VAV3: variants seen among roughly 807,000 people sequenced by gnomAD.
VAV3 encodes vav guanine nucleotide exchange factor 3.
Under a neutral mutation model 131.2 loss-of-function variants are expected in VAV3, and 94 were observed. The observed-to-expected ratio is 0.72, with a 90% CI of 0.61 to 0.85. The LOEUF is 0.85. Among genes scored for constraint, VAV3 ranks in the 40% least tolerant of loss-of-function variants. VAV3 has a pLI of 0.00. For synonymous variants in VAV3, 349 were observed against 342.0 expected (o/e 1.02, Z -0.22); for missense variants, 939 against 1,002.7 (o/e 0.94, Z 0.86).
At chr1:107,928,125 G>GACC (rs1673250504) in intron 1 of VAV3, among the ~76,000 whole-genome samples, 1 of 152,178 alleles carries the variant, frequency 6.6e-6, no homozygotes, top group African/African-American at 2.4e-5. Context: ...TCAGCCTGGT[G>GACC]GTCCAGAGAA....
At position 107,932,205 on chromosome 1, in the gene VAV3, C is replaced by A. The variant is rs376560158; in HGVS notation, c.204+32461G>T. 2.7e-4 allele frequency among the ~76,000 whole-genome samples: 41 copies of A among 152,284 alleles called. No individual in the cohort carries two copies. In the South Asian group the frequency reaches 5.0e-3, roughly 18 times the overall value. ...ATCACAACAGCTAACAAAAGGTACCCAAATCACAGCACGAGAGATGCCACA... is the reference window on the plus strand; with the variant it reads ...ATCACAACAGCTAACAAAAGGTACCAAAATCACAGCACGAGAGATGCCACA... On this transcript the variant is annotated intron_variant, in intron 1 of 26. Coordinates refer to ENST00000370056, the MANE Select transcript of VAV3 (RefSeq NM_006113.5).
In VAV3 at chr1:107,786,319, TA is replaced by T. The variant is rs201951607; in HGVS notation, c.322-6828del. On this transcript the variant is annotated intron_variant, in intron 2 of 26. Transcript: ENST00000370056. ...AACTACAGAGAACAAGAACTTCCTT[TA>T]AAAAAAAAGCCATATACTGGGCTGA... Among the ~76,000 whole-genome samples, 7 of 151,142 alleles carry T rather than the reference TA, an allele frequency of 4.6e-5. No individual in the cohort carries two copies. The East Asian group carries it at 5.8e-4, about 13-fold the overall frequency.
chr1:107,592,486 TA>T (rs2101055487), intron 25 of VAV3, among the ~76,000 whole-genome samples: 1 of 152,188 alleles, frequency 6.6e-6, no homozygotes, highest in Non-Finnish European at 1.5e-5. Context: ...GATAGCCATT[TA>T]AAAAAATTAC....
chr1:107,612,985 G>A (rs1400444540), intron 21 of VAV3, among the ~76,000 whole-genome samples: 1 of 152,064 alleles, frequency 6.6e-6, no homozygotes, highest in Non-Finnish European at 1.5e-5. Context: ...ATCTTCTCCT[G>A]GGCAGTGCCT....
chr1:107,615,820 A>C (rs1653111056), intron 21 of VAV3, among the ~76,000 whole-genome samples: 1 of 152,224 alleles, frequency 6.6e-6, no homozygotes, highest in African/African-American at 2.4e-5. Context: ...GAAGACATAC[A>C]TATAATTGGC....
At chr1:107,866,036 G>C (rs1669969864) in intron 2 of VAV3, among the ~76,000 whole-genome samples, 1 of 152,122 alleles carries the variant, frequency 6.6e-6, no homozygotes, top group Non-Finnish European at 1.5e-5. Context: ...ACTTCCCAAG[G>C]ATAAGGAGGG....
intron 25 of VAV3, 121 bp downstream of exon 25, chr1:107,596,091 C>T (rs1421925897): frequency 3.0e-6 from 4 of 1,329,274 alleles, no homozygotes; most frequent in Middle Eastern, 2.0e-4. Flanking sequence ...AAAAGAAGTC[C>T]TTGCTCATGC....
intron 24 of VAV3, among the ~76,000 whole-genome samples, chr1:107,602,008 T>G (rs1390581105): frequency 6.6e-6 from 1 of 152,092 alleles, no homozygotes; most frequent in Non-Finnish European, 1.5e-5. Context: ...TTATAAAAAA[T>G]GAACCTAAAT....
At chr1:107,605,920 T>A (rs1310222103) in intron 22 of VAV3, among the ~76,000 whole-genome samples, 1 of 152,218 alleles carries the variant, frequency 6.6e-6, no homozygotes, top group Non-Finnish European at 1.5e-5. Flanking sequence ...TTAATTGAAT[T>A]AAGACAACCA....
At chr1:107,801,008 G>A (rs1288582559) in intron 2 of VAV3, among the ~76,000 whole-genome samples, 3 of 152,100 alleles carry the variant, frequency 2.0e-5, no homozygotes, top group Non-Finnish European at 4.4e-5. Context: ...ATGAGAGATA[G>A]GGGTTTCGTT....
chr1:107,789,598 T>C (rs1056834829), intron 2 of VAV3, among the ~76,000 whole-genome samples: 1 of 152,184 alleles, frequency 6.6e-6, no homozygotes, highest in Non-Finnish European at 1.5e-5. Flanking sequence ...TTCATTTTCA[T>C]ATGTGCCTGA....
At chr1:107,577,873 T>G (rs1649764680) in intron 25 of VAV3, among the ~76,000 whole-genome samples, 1 of 152,214 alleles carries the variant, frequency 6.6e-6, no homozygotes, top group African/African-American at 2.4e-5. Flanking sequence ...CTGTTACTTG[T>G]ACCATGGCCT....
rs377617538 is a variant in VAV3, at chr1:107,573,273, G to C, written c.*58C>G. ...TCAGTTAATTCACGATGCTGTGCAG[G>C]CTTCTATTTATCCCTTCTCTGAAAT... On this transcript the variant is annotated 3_prime_UTR_variant, in exon 27 of 27. Coordinates refer to ENST00000370056, the MANE Select transcript of VAV3 (RefSeq NM_006113.5). 3.7e-4 allele frequency: 584 copies of C among 1,588,466 alleles called. No individual in the cohort carries two copies. The highest frequency in any genetic ancestry group is 4.7e-4 in the Non-Finnish European group (546 of 1,162,010).
At chr1:107,955,537 A>C (rs1674767122) in intron 1 of VAV3, among the ~76,000 whole-genome samples, 1 of 152,152 alleles carries the variant, frequency 6.6e-6, no homozygotes, top group South Asian at 2.1e-4. Context: ...AAACAGCAAG[A>C]AATGCTGCAT....
intron 15 of VAV3, among the ~76,000 whole-genome samples, chr1:107,747,565 A>T (rs940972899): frequency 3.9e-5 from 6 of 152,218 alleles, no homozygotes; most frequent in Non-Finnish European, 7.3e-5. Context: ...ATTATTATTA[A>T]TAATAATAGC....
intron 2 of VAV3, among the ~76,000 whole-genome samples, chr1:107,797,594 T>G: frequency 6.6e-6 from 1 of 152,098 alleles, no homozygotes; most frequent in East Asian, 1.9e-4. Flanking sequence ...AGAATAAAAT[T>G]TTAAAGAATA....
intron 1 of VAV3, among the ~76,000 whole-genome samples, chr1:107,885,701 T>G (rs1156631583): frequency 2.0e-5 from 3 of 152,150 alleles, no homozygotes; most frequent in Non-Finnish European, 2.9e-5. Flanking sequence ...AATTCCCATT[T>G]ACAGACAAAG....
chr1:107,728,600 C>CGTATATGTATATGTATAT (rs55725323), intron 15 of VAV3, among the ~76,000 whole-genome samples: 12,788 of 136,758 alleles, frequency 0.094, 786 homozygotes, highest in South Asian at 0.11. Flanking sequence ...TATACGTATA[C>CGTATATGTATATGTATAT]GTATATGTAT....
intron 19 of VAV3, among the ~76,000 whole-genome samples, chr1:107,666,319 A>G (rs1277127251): frequency 6.6e-6 from 1 of 152,240 alleles, no homozygotes; most frequent in East Asian, 1.9e-4. Context: ...GGAAAAAAAT[A>G]TAAGAGTTAA....
Sources: allele counts gnomAD v4.1 joint callset (sites outside exome capture counted in the v4.1 genomes callset), GRCh38; gene constraint gnomAD v4.1.1; transcripts MANE v1.5; gene names NCBI Gene and HGNC (gene_info 2026-07-23, HGNC 2026-07-21).